PTPRT: variants seen among roughly 807,000 people sequenced by gnomAD.
The protein encoded by PTPRT is receptor-type tyrosine-protein phosphatase T.
In PTPRT, 56 loss-of-function variants were observed where a neutral mutation model predicts 176.8. That is an observed-to-expected ratio of 0.32 (90% CI 0.26 to 0.40). The LOEUF is 0.40. PTPRT is among the 10% of genes least tolerant of loss of function. The pLI is 1.00. For synonymous variants in PTPRT, 783 were observed against 739.0 expected, an observed-to-expected ratio of 1.06 and a Z score of -0.96; for missense variants, 1,540 against 1,908.2, an observed-to-expected ratio of 0.81 and a Z score of 3.60.
chr20:43,101,507 A>C lies in PTPRT; in HGVS notation c.88+88139T>G, dbSNP rs1030212759. On this transcript the variant is annotated intron_variant, in intron 1 of 30. Coordinates refer to ENST00000373187, the MANE Select transcript of PTPRT (RefSeq NM_007050.6). ...ATTTTAATGCGTACCTCATAGCTCT[A>C]ATGATTAAATGATGTAATATGGTGA... Among the ~76,000 whole-genome samples, 31 of 152,118 alleles carry C rather than the reference A, an allele frequency of 2.0e-4. 1 individual carries two copies. The highest frequency in any genetic ancestry group is 1.0e-4 in the Non-Finnish European group (7 of 68,042).
At chr20:42,210,304 G>C (rs1165391480) in intron 15 of PTPRT, among the ~76,000 whole-genome samples, 8 of 151,978 alleles carry the variant, frequency 5.3e-5, no homozygotes, top group South Asian at 2.1e-4. Context: ...CCAGGGCAAT[G>C]AGGCAGGAGA....
chr20:42,118,387 T>C lies in PTPRT; in HGVS notation c.2982+16A>G. On this transcript the variant is annotated intron_variant, in intron 21 of 30. Coordinates refer to ENST00000373187, the MANE Select transcript of PTPRT (RefSeq NM_007050.6). ...CTCCAGCATCCTCTGCCCAGGCGAGTGCAGGAGAGGCTTACCCTGCCCACT... is the reference window on the plus strand; with the variant it reads ...CTCCAGCATCCTCTGCCCAGGCGAGCGCAGGAGAGGCTTACCCTGCCCACT... 2 of 1,597,440 alleles carry C rather than the reference T, an allele frequency of 1.3e-6. No individual in the cohort carries two copies. Among genetic ancestry groups the C allele is most frequent in the South Asian group, 2.2e-5 (2 of 88,944 alleles).
At chr20:43,026,196 C>T (rs1469817570) in intron 1 of PTPRT, among the ~76,000 whole-genome samples, 1 of 152,168 alleles carries the variant, frequency 6.6e-6, no homozygotes, top group African/African-American at 2.4e-5. Context: ...CAGCTCACTG[C>T]AACCTCCGCC....
rs572361019 is a variant in PTPRT, at chr20:42,584,253, A to G, written c.1153+93613T>C. Among the ~76,000 whole-genome samples the G allele has an allele frequency of 2.0e-5, 3 of 152,084 alleles. No individual in the cohort carries two copies. In the East Asian group the frequency reaches 5.8e-4, roughly 29 times the overall value. On this transcript the variant is annotated intron_variant, in intron 7 of 30. Transcript: ENST00000373187. Reference sequence around the variant, plus strand: ...AACCAGTCTTCTCAATGCTGCCACAATCCTCACAATGGCCCATAAATCTCT... The same window carrying G: ...AACCAGTCTTCTCAATGCTGCCACAGTCCTCACAATGGCCCATAAATCTCT...
At chr20:42,440,772 C>A (rs547276241) in intron 9 of PTPRT, among the ~76,000 whole-genome samples, 1 of 152,148 alleles carries the variant, frequency 6.6e-6, no homozygotes, top group Admixed American at 6.5e-5. Context: ...CCACCATGCC[C>A]GGCCTGTATT....
At chr20:42,752,862 G>T in intron 6 of PTPRT, among the ~76,000 whole-genome samples, 1 of 152,014 alleles carries the variant, frequency 6.6e-6, no homozygotes, top group East Asian at 1.9e-4. Context: ...TGGGTCCCTG[G>T]GCACCCACTC....
intron 23 of PTPRT, among the ~76,000 whole-genome samples, chr20:42,107,868 G>A (rs1015568527): frequency 5.9e-5 from 9 of 152,192 alleles, no homozygotes; most frequent in East Asian, 1.9e-4. Context: ...AGGCCAGTGC[G>A]GACCACTACC....
intron 7 of PTPRT, among the ~76,000 whole-genome samples, chr20:42,545,728 A>G (rs2072662628): frequency 6.6e-6 from 1 of 152,168 alleles, no homozygotes; most frequent in Admixed American, 6.5e-5. Context: ...TTAAATCTCT[A>G]TTCTGGGTTT....
chr20:42,472,134 G>A (rs760704), intron 8 of PTPRT, 132 bp downstream of exon 8: 303,766 of 1,011,374 alleles, frequency 0.3, 46,833 homozygotes, highest in Non-Finnish European at 0.31. Flanking sequence ...TTCATTGAAG[G>A]CCTAAGAAAA....
chr20:42,430,433 A>T (rs540977957), intron 9 of PTPRT, among the ~76,000 whole-genome samples: 1 of 152,188 alleles, frequency 6.6e-6, no homozygotes, highest in African/African-American at 2.4e-5. Context: ...GGGGACAGAG[A>T]TAGCACTTTC....
chr20:42,251,555 C>T (rs2056551317), intron 13 of PTPRT, among the ~76,000 whole-genome samples: 1 of 151,604 alleles, frequency 6.6e-6, no homozygotes, highest in South Asian at 2.1e-4. Context: ...TAGATACTTG[C>T]ATAATTAAAA....
intron 9 of PTPRT, among the ~76,000 whole-genome samples, chr20:42,378,507 G>C (rs1028297380): frequency 6.6e-6 from 1 of 152,068 alleles, no homozygotes; most frequent in Non-Finnish European, 1.5e-5. Flanking sequence ...CTCCCCACTA[G>C]ACCGAGTTCT....
chr20:42,315,039 T>C (rs987644759), intron 12 of PTPRT, among the ~76,000 whole-genome samples: 3 of 152,182 alleles, frequency 2.0e-5, no homozygotes, highest in African/African-American at 7.2e-5. Flanking sequence ...TCTAATATTA[T>C]GACTGGTGCC....
At chr20:42,893,850 G>A (rs886833081) in intron 1 of PTPRT, among the ~76,000 whole-genome samples, 1 of 151,618 alleles carries the variant, frequency 6.6e-6, no homozygotes, top group African/African-American at 2.4e-5. Flanking sequence ...ATCACACTCT[G>A]GGGACTGTTG....
rs1466638450 is a variant in PTPRT, at chr20:43,189,302, GC to G, written c.88+343del. On this transcript the variant is annotated intron_variant, in intron 1 of 30. Transcript: ENST00000373187. This position sits in a 1 kb window ranked among gnomAD's most constrained non-coding sequence, Gnocchi z 5.0. Reference sequence around the variant, plus strand: ...CGTCGGTGCCGCTCCTCGTCTCGCCGCCCCAAACACTCAAGTGGCAGATTCC... The same window carrying G: ...CGTCGGTGCCGCTCCTCGTCTCGCCGCCCAAACACTCAAGTGGCAGATTCC... 6.6e-6 allele frequency among the ~76,000 whole-genome samples: 1 copy of G among 152,012 alleles called. No homozygotes were observed. Among genetic ancestry groups the G allele is most frequent in the Non-Finnish European group, 1.5e-5 (1 of 67,998 alleles).
intron 13 of PTPRT, among the ~76,000 whole-genome samples, chr20:42,260,715 G>C (rs1386697371): frequency 6.6e-6 from 1 of 152,162 alleles, no homozygotes; most frequent in Non-Finnish European, 1.5e-5. Flanking sequence ...ACTGAGAACA[G>C]GTTACCACAG....
chr20:42,811,237 T>A (rs1228511002), intron 2 of PTPRT, among the ~76,000 whole-genome samples: 2 of 152,138 alleles, frequency 1.3e-5, no homozygotes, highest in African/African-American at 4.8e-5. Flanking sequence ...TAACTGTCAT[T>A]AACATATGGC....
At chr20:43,133,595 A>G (rs1289632435) in intron 1 of PTPRT, among the ~76,000 whole-genome samples, 2 of 151,844 alleles carry the variant, frequency 1.3e-5, no homozygotes, top group African/African-American at 4.8e-5. Flanking sequence ...AAAATACAAA[A>G]CATTAGCCGG....
intron 9 of PTPRT, among the ~76,000 whole-genome samples, chr20:42,394,577 G>T (rs1396227749): frequency 2.0e-5 from 3 of 152,232 alleles, no homozygotes; most frequent in South Asian, 2.1e-4. Context: ...TTAAAATAAT[G>T]AATTAAGCAA....
Sources: gnomAD v4.1 joint callset for allele counts (sites outside exome capture counted in the v4.1 genomes callset) on GRCh38, gnomAD v4.1.1 for gene constraint, Gnocchi (gnomAD v3.1) non-coding constraint, MANE v1.5 for transcripts, NCBI Gene and HGNC (gene_info 2026-07-23, HGNC 2026-07-21) for gene names.